Variants in PARL observed in about 807,000 individuals in gnomAD.
PARL encodes presenilin-associated rhomboid-like protein, mitochondrial.
In PARL, 44 loss-of-function variants were observed where a neutral mutation model predicts 51.6. The ratio of observed to expected loss-of-function variants is 0.85; its 90% CI spans 0.67 to 1.10. The LOEUF (loss-of-function observed/expected upper bound fraction) is 1.10. PARL is among the 50% of genes least tolerant of loss of function. The pLI, the probability that PARL is intolerant of heterozygous loss-of-function variation, is 0.00. For synonymous variants in PARL, 172 were observed against 164.0 expected (o/e 1.05, Z -0.37); for missense variants, 441 against 469.5 (o/e 0.94, Z 0.56).
chr3:183,855,349 T>G (rs1276158654), intron 4 of PARL, among the ~76,000 whole-genome samples: 3 of 152,200 alleles, frequency 2.0e-5, no homozygotes, highest in Non-Finnish European at 4.4e-5. Flanking sequence ...CTGCCCAGGC[T>G]GGTCTAGACT....
intron 4 of PARL, chr3:183,846,510 G>A (rs527882453): frequency 1.0e-6 from 1 of 985,010 alleles, no homozygotes; most frequent in East Asian, 1.1e-4. Flanking sequence ...AAAAAGCGGG[G>A]GGAAAGATAA....
intron 7 of PARL, among the ~76,000 whole-genome samples, chr3:183,836,895 C>A (rs2108594590): frequency 6.6e-6 from 1 of 152,256 alleles, no homozygotes; most frequent in East Asian, 1.9e-4. Flanking sequence ...TACACACCAC[C>A]ATGCCCAGCT....
downstream of PARL, among the ~76,000 whole-genome samples, chr3:183,828,928 G>T (rs1727614893): frequency 6.6e-6 from 1 of 152,166 alleles, no homozygotes; most frequent in African/African-American, 2.4e-5. Flanking sequence ...GCCACTATCT[G>T]CTATTTCAGT....
At chr3:183,839,626 C>T (rs932077761) in intron 7 of PARL, among the ~76,000 whole-genome samples, 7 of 152,136 alleles carry the variant, frequency 4.6e-5, no homozygotes, top group Non-Finnish European at 8.8e-5. Flanking sequence ...ACCATGTTGA[C>T]CAGGCTGGTC....
chr3:183,845,461 A>G lies in PARL; in HGVS notation c.512-1135T>C, dbSNP rs776312003. On this transcript the variant is annotated intron_variant, in intron 4 of 9. Transcript: ENST00000317096. ...AGCATTTTTTCTTTCTCCGTAGTAC[A>G]TTAAATAAAATTTTACTGCATTTTG... Among the ~76,000 whole-genome samples, 142 of 152,342 alleles carry G rather than the reference A, an allele frequency of 9.3e-4. 3 individuals carry two copies. Among genetic ancestry groups the G allele is most frequent in the Non-Finnish European group, 2.6e-4 (18 of 68,026 alleles).
At chr3:183,875,329 C>T (rs763521262) in intron 1 of PARL, among the ~76,000 whole-genome samples, 3 of 146,252 alleles carry the variant, frequency 2.1e-5, no homozygotes, top group Non-Finnish European at 4.5e-5. Context: ...GCAGGAGAAT[C>T]GCTTGAACCT....
At chr3:183,827,164 C>T (rs1336217845), downstream of PARL, among the ~76,000 whole-genome samples, 1 of 152,042 alleles carries the variant, frequency 6.6e-6, no homozygotes, top group African/African-American at 2.4e-5. Context: ...TTTAGCTTTT[C>T]ATATGGCCGG....
intron 1 of PARL, among the ~76,000 whole-genome samples, chr3:183,879,300 A>T (rs891068139): frequency 2.0e-5 from 3 of 152,236 alleles, no homozygotes; most frequent in African/African-American, 7.2e-5. Flanking sequence ...GTCCCAAGTT[A>T]GGCCAATCTG....
At chr3:183,835,813 C>A (rs532167428) in intron 7 of PARL, among the ~76,000 whole-genome samples, 2 of 151,916 alleles carry the variant, frequency 1.3e-5, no homozygotes, top group African/African-American at 2.4e-5. Context: ...CCAGCCTGGG[C>A]GACAGAGTGA....
At chr3:183,884,612 G>T in intron 1 of PARL, 110 bp downstream of exon 1, 2 of 1,075,340 alleles carry the variant, frequency 1.9e-6, no homozygotes, top group Non-Finnish European at 2.7e-6. Context: ...TAAGGTGAAG[G>T]GGGTGAGCTG....
intron 8 of PARL, 47 bp from the exon 9 acceptor site, chr3:183,833,636 A>G (rs755498732): frequency 2.0e-6 from 3 of 1,500,620 alleles, no homozygotes; most frequent in Non-Finnish European, 2.8e-6. Context: ...TTGCTCCAGC[A>G]CTGACATTTC....
chr3:183,875,336 AC>A (rs1733671484), intron 1 of PARL, among the ~76,000 whole-genome samples: 1 of 143,230 alleles, frequency 7.0e-6, no homozygotes, highest in African/African-American at 2.6e-5. Context: ...AATCGCTTGA[AC>A]CTGGGAGATG....
At chr3:183,828,071 G>A (rs1329392797), downstream of PARL, among the ~76,000 whole-genome samples, 1 of 152,248 alleles carries the variant, frequency 6.6e-6, no homozygotes, top group Non-Finnish European at 1.5e-5. Flanking sequence ...TGGGCAATCA[G>A]GAGGGAGCTG....
At position 183,829,477 on chromosome 3, in the gene PARL, A is replaced by C. The variant is rs1727660014; in HGVS notation, c.*121T>G. 6.2e-7 allele frequency: 1 copy of C among 1,609,030 alleles called. No homozygotes were observed. The highest frequency in any genetic ancestry group is 1.3e-5 in the African/African-American group (1 of 74,978). On this transcript the variant is annotated 3_prime_UTR_variant, in exon 10 of 10. Coordinates refer to ENST00000317096, the MANE Select transcript of PARL (RefSeq NM_018622.7). ...CGGACTGGGGGACACAGCTGAAAAC[A>C]GTGGGAGGCCAGATGCTGGCATCTT...
At position 183,853,314 on chromosome 3, in the gene PARL, G is replaced by C. The variant is rs910964953; in HGVS notation, c.512-8988C>G. ...CAAGTGGCTCATGCCTGTAAACCCAGCACTTTGGGAGGCTGAGGTAGGTGG... is the reference window on the plus strand; with the variant it reads ...CAAGTGGCTCATGCCTGTAAACCCACCACTTTGGGAGGCTGAGGTAGGTGG... On this transcript the variant is annotated intron_variant, in intron 4 of 9. Transcript: ENST00000317096. Among the ~76,000 whole-genome samples the C allele has an allele frequency of 2.6e-5, 4 of 152,186 alleles. No individual in the cohort carries two copies. The East Asian group carries it at 7.7e-4, about 29-fold the overall frequency.
downstream of PARL, among the ~76,000 whole-genome samples, chr3:183,827,712 CCT>C (rs772701957): frequency 1.3e-5 from 2 of 152,140 alleles, no homozygotes; most frequent in Non-Finnish European, 2.9e-5. Context: ...TCGTGTCACT[CCT>C]TAAGCCGAGT....
chr3:183,874,476 T>C (rs948583908), intron 1 of PARL, among the ~76,000 whole-genome samples: 1 of 151,174 alleles, frequency 6.6e-6, no homozygotes, highest in African/African-American at 2.4e-5. Context: ...TGGCGCGATC[T>C]CGACTCACTG....
chr3:183,877,604 C>T (rs1051833871), intron 1 of PARL, among the ~76,000 whole-genome samples: 1 of 152,272 alleles, frequency 6.6e-6, no homozygotes, highest in Admixed American at 6.5e-5. Context: ...GCCACCGCTA[C>T]CCCAACCTTC....
At chr3:183,873,202 A>G (rs941634359) in intron 1 of PARL, among the ~76,000 whole-genome samples, 1 of 152,132 alleles carries the variant, frequency 6.6e-6, no homozygotes, top group South Asian at 2.1e-4. Flanking sequence ...GAATATATTT[A>G]CCATAAAGAT....
Sources: allele counts gnomAD v4.1 joint callset (sites outside exome capture counted in the v4.1 genomes callset), GRCh38; gene constraint gnomAD v4.1.1; transcripts MANE v1.5; gene names NCBI Gene and HGNC (gene_info 2026-07-23, HGNC 2026-07-21).